The following RBFOX1 variants were observed in gnomAD, a reference collection of about 807,000 sequenced individuals.
RBFOX1 encodes RNA binding protein fox-1 homolog 1.
RBFOX1 carries 8 observed loss-of-function variants against 57.7 expected under a neutral mutation model. The observed-to-expected ratio is 0.14, with a 90% CI of 0.08 to 0.25. RBFOX1 has a LOEUF of 0.25. RBFOX1 is among the 10% of genes least tolerant of loss of function. The pLI is 1.00. For missense variants in RBFOX1, 611 were observed against 548.5 expected, an observed-to-expected ratio of 1.11 and a Z score of -1.14; for synonymous variants, 326 against 222.4, an observed-to-expected ratio of 1.47 and a Z score of -4.15.
chr16:5,501,718 C>G lies in RBFOX1; in HGVS notation c.258+34464C>G, dbSNP rs1025384725. Among the ~76,000 whole-genome samples, 8 of 152,006 alleles carry G rather than the reference C, an allele frequency of 5.3e-5. 1 individual carries two copies. In the South Asian group the frequency reaches 8.3e-4, roughly 16 times the overall value. On this transcript the variant is annotated intron_variant, in intron 2 of 2. Transcript: ENST00000585867. ...CCAGTGAATGTTAATCTGATGATTACTATTATTATTTTAGAGACAAGATCT... is the reference window on the plus strand; with the variant it reads ...CCAGTGAATGTTAATCTGATGATTAGTATTATTATTTTAGAGACAAGATCT...
intron 1 of RBFOX1, among the ~76,000 whole-genome samples, chr16:5,431,123 C>T (rs74383429): frequency 0.011 from 1,744 of 152,244 alleles, 38 homozygotes; most frequent in African/African-American, 0.04. Context: ...CGTGTAAGTC[C>T]GCAGTCACCC....
At chr16:6,281,039 A>G (rs941353171) in intron 1 of RBFOX1, among the ~76,000 whole-genome samples, 7 of 149,486 alleles carry the variant, frequency 4.7e-5, no homozygotes, top group African/African-American at 1.5e-4. Context: ...TGTATATGCT[A>G]TCAACATGCA....
At chr16:5,738,785 C>T (rs571993718) in intron 3 of RBFOX1, among the ~76,000 whole-genome samples, 45 of 152,228 alleles carry the variant, frequency 3.0e-4, no homozygotes, top group African/African-American at 9.4e-4. Context: ...ATTTATGACT[C>T]TGTGTAAACA....
intron 2 of RBFOX1, among the ~76,000 whole-genome samples, chr16:6,575,278 T>C (rs952529246): frequency 1.3e-5 from 2 of 152,170 alleles, no homozygotes; most frequent in Admixed American, 6.5e-5. Flanking sequence ...ATGTGCTTGA[T>C]TAAGCCTATG....
intron 2 of RBFOX1, among the ~76,000 whole-genome samples, chr16:6,600,474 C>G (rs2097840196): frequency 6.6e-6 from 1 of 152,162 alleles, no homozygotes; most frequent in South Asian, 2.1e-4. Flanking sequence ...CTGAAAAGAA[C>G]CAGATAGCAG....
At chr16:6,192,299 T>C (rs1359313224) in intron 1 of RBFOX1, among the ~76,000 whole-genome samples, 1 of 152,144 alleles carries the variant, frequency 6.6e-6, no homozygotes, top group Non-Finnish European at 1.5e-5. Flanking sequence ...CACATCAAAA[T>C]TGGCATTGGT....
chr16:6,934,477 C>G (rs756534235), intron 3 of RBFOX1, among the ~76,000 whole-genome samples: 1 of 152,164 alleles, frequency 6.6e-6, no homozygotes, highest in African/African-American at 2.4e-5. Context: ...ATCAACCTAA[C>G]TGTCCATCAG....
At chr16:5,705,281 A>G (rs902058033) in intron 3 of RBFOX1, among the ~76,000 whole-genome samples, 3 of 152,044 alleles carry the variant, frequency 2.0e-5, no homozygotes, top group African/African-American at 7.2e-5. Flanking sequence ...TTTTAGTTTT[A>G]GACAGGGTCT....
chr16:6,297,285 C>T (rs1262746387), intron 1 of RBFOX1, among the ~76,000 whole-genome samples: 4 of 152,270 alleles, frequency 2.6e-5, no homozygotes, highest in Middle Eastern at 3.4e-3. Context: ...TCTGGGAATG[C>T]AGCCCAGTAG....
At chr16:6,151,118 C>G (rs1310678254) in intron 1 of RBFOX1, among the ~76,000 whole-genome samples, 1 of 152,096 alleles carries the variant, frequency 6.6e-6, no homozygotes, top group African/African-American at 2.4e-5. Flanking sequence ...CATCATCCCT[C>G]CATAAATACA....
intron 2 of RBFOX1, among the ~76,000 whole-genome samples, chr16:6,610,706 C>G (rs376086443): frequency 3.9e-5 from 6 of 152,162 alleles, no homozygotes; most frequent in Admixed American, 3.3e-4. Context: ...GATCAGATTG[C>G]GAAGTGGTCT....
At chr16:6,552,374 C>G (rs903298940) in intron 2 of RBFOX1, among the ~76,000 whole-genome samples, 2 of 152,172 alleles carry the variant, frequency 1.3e-5, no homozygotes, top group African/African-American at 2.4e-5. Context: ...ATTGCTGTGA[C>G]TCCTTGGGCT....
At chr16:5,532,000 T>C (rs929323997) in intron 2 of RBFOX1, among the ~76,000 whole-genome samples, 1 of 152,100 alleles carries the variant, frequency 6.6e-6, no homozygotes, top group Non-Finnish European at 1.5e-5. Flanking sequence ...GAGTTTCACC[T>C]TGTTGGCCAG....
intron 3 of RBFOX1, among the ~76,000 whole-genome samples, chr16:6,789,006 T>C (rs2082452459): frequency 1.3e-5 from 2 of 152,144 alleles, no homozygotes; most frequent in Admixed American, 1.3e-4. Flanking sequence ...AAGTCACTTC[T>C]GGATGGACCC....
chr16:7,657,874 T>A lies in RBFOX1; in HGVS notation c.890+3927T>A, dbSNP rs148453703. Among the ~76,000 whole-genome samples, 1,452 of 152,286 alleles carry A rather than the reference T, an allele frequency of 9.5e-3. 23 individuals carry two copies. The highest frequency in any genetic ancestry group is 0.032 in the African/African-American group (1,329 of 41,548). The stretch of plus-strand genomic sequence containing the variant: ...ATTGCCAACATCAATTGAATGAGAC[T>A]GAAGAGTTAGAAAGTAATGTCTACA... On this transcript the variant is annotated intron_variant, in intron 12 of 15. Transcript: ENST00000550418.
chr16:7,007,808 C>T (rs963628757), intron 3 of RBFOX1, among the ~76,000 whole-genome samples: 1 of 152,178 alleles, frequency 6.6e-6, no homozygotes, highest in Admixed American at 6.5e-5. Context: ...CCATTGAAGC[C>T]TGCACGCTCC....
chr16:6,828,484 A>C (rs1363273898), intron 3 of RBFOX1, among the ~76,000 whole-genome samples: 1 of 151,872 alleles, frequency 6.6e-6, no homozygotes, highest in Non-Finnish European at 1.5e-5. Flanking sequence ...ACATCACGCC[A>C]TTGCACTCCA....
At chr16:6,547,122 C>T (rs2153846577) in intron 2 of RBFOX1, among the ~76,000 whole-genome samples, 1 of 152,332 alleles carries the variant, frequency 6.6e-6, no homozygotes, top group East Asian at 1.9e-4. Context: ...AATAAAGTAT[C>T]TGGCGCTCTT....
chr16:6,201,839 A>T lies in RBFOX1; in HGVS notation c.-126-115156A>T, dbSNP rs187467835. 2.5e-3 allele frequency among the ~76,000 whole-genome samples: 388 copies of T among 152,294 alleles called. 1 individual carries two copies. The highest frequency in any genetic ancestry group is 8.9e-3 in the African/African-American group (372 of 41,574). On this transcript the variant is annotated intron_variant, in intron 1 of 15. Coordinates refer to ENST00000550418, the MANE Select transcript of RBFOX1 (RefSeq NM_018723.4). The stretch of plus-strand genomic sequence containing the variant: ...ATAATTAAAAATAAAGAAAATTTTT[A>T]AAATTGTTCCATACTCTGTCAACTC...
Sources: allele counts gnomAD v4.1 joint callset (sites outside exome capture counted in the v4.1 genomes callset), GRCh38; gene constraint gnomAD v4.1.1; transcripts MANE v1.5; gene names NCBI Gene and HGNC (gene_info 2026-07-23, HGNC 2026-07-21).